The following GALR2 variants were observed in gnomAD, a reference collection of about 807,000 sequenced individuals.
GALR2 encodes galanin receptor 2, also known as galanin receptor type 2.
GALR2 carries 5 observed loss-of-function variants against 7.2 expected under a neutral mutation model. The observed-to-expected ratio is 0.69, with a 90% confidence interval of 0.36 to 1.45. The LOEUF (loss-of-function observed/expected upper bound fraction) is 1.45. Among genes scored for constraint, GALR2 ranks in the 40% most tolerant of loss-of-function variants. GALR2 has a pLI of 0.03. For synonymous variants in GALR2, 300 were observed against 263.9 expected (o/e 1.14, Z -1.32); for missense variants, 561 against 555.7 (o/e 1.01, Z -0.10).
rs1245039635 is a variant in GALR2 at position 76,077,524 on chromosome 17, C to T, written c.*93C>T. 14 of 1,096,326 alleles carry T rather than the reference C, an allele frequency of 1.3e-5. No individual in the cohort carries two copies. The highest frequency in any genetic ancestry group is 2.9e-5 in the Admixed American group (1 of 33,986). 67.9% of individuals were successfully genotyped at this position (1,096,326 alleles called of 1,614,324 possible). On this transcript the variant is annotated 3_prime_UTR_variant, in exon 2 of 2. Coordinates refer to ENST00000329003, the MANE Select transcript of GALR2 (RefSeq NM_003857.4). ...TTTGCCTGTTAATAAAACGCACAAA[C>T]CATTTCACACACAGTGACAGCGCTG...
chr17:76,072,293 A>G, upstream of GALR2: 1 of 1,608,034 alleles, frequency 6.2e-7, no homozygotes, highest in South Asian at 1.1e-5. The surrounding 1 kb of genome is among the most constrained non-coding windows in gnomAD (Gnocchi z 4.5). Context: ...GTTAGGCCCG[A>G]TTACTCTAGG....
chr17:76,077,190 C>T lies in GALR2; in HGVS notation c.923C>T (p.Ala308Val). The change falls in exon 2 of 2, where the codon GCG becomes GTG. Residue 308 changes from alanine (A) to valine (V), a missense_variant. Coordinates refer to ENST00000329003, the MANE Select transcript of GALR2 (RefSeq NM_003857.4). ...CGCAAAGGCTTCCGCACGATCTGCG[C>T]GGGCCTGCTGGGCCGTGCCCCAGGC... Reference protein sequence around the residue: ...HFRKGFRTICAGLLGRAPGRA... With the variant: ...HFRKGFRTICVGLLGRAPGRA... 1 of 1,610,252 alleles carries T rather than the reference C, an allele frequency of 6.2e-7. No individual in the cohort carries two copies. The highest frequency in any genetic ancestry group is 2.2e-5 in the East Asian group (1 of 44,742).
chr17:76,077,483 G>A lies in GALR2; in HGVS notation c.*52G>A, dbSNP rs1388730117. 2 of 1,380,620 alleles carry A rather than the reference G, an allele frequency of 1.4e-6. No homozygotes were observed. Among genetic ancestry groups the A allele is most frequent in the East Asian group, 5.1e-5 (2 of 39,396 alleles). The allele number at this position is 1,380,620 out of a possible 1,614,324, so 85.5% of individuals were successfully genotyped here. A position where few individuals can be genotyped will look rare whatever the true frequency, so the allele number is the denominator to read the frequency against. On this transcript the variant is annotated 3_prime_UTR_variant, in exon 2 of 2. Coordinates refer to ENST00000329003, the MANE Select transcript of GALR2 (RefSeq NM_003857.4). The stretch of plus-strand genomic sequence containing the variant: ...TCACAGAGTTGGAGTCATTGTTGGG[G>A]GACCGTGGGGAGAGCTTTGCCTGTT...
Position 76,074,994 on chromosome 17 carries a change from C to G in GALR2, c.111C>G (p.Leu37=). Residue 37 remains leucine, a synonymous_variant, in exon 1 of 2, where the codon CTC becomes CTG. Coordinates refer to ENST00000329003, the MANE Select transcript of GALR2 (RefSeq NM_003857.4). The surrounding 1 kb of genome is among the most constrained non-coding windows in gnomAD (Gnocchi z 6.7). ...IVPLLFALIF[L]VGTVGNTLVL... ...CCCTGCTCTTCGCGCTCATCTTCCT[C>G]GTGGGCACCGTGGGCAACACGCTGG... The G allele has an allele frequency of 6.2e-7, 1 of 1,606,466 alleles. No individual in the cohort carries two copies. The highest frequency in any genetic ancestry group is 8.5e-7 in the Non-Finnish European group (1 of 1,179,762).
rs1053234576 is a variant in GALR2 at position 76,075,201 on chromosome 17, C to T, written c.318C>T (p.Phe106=). 28 of 1,609,650 alleles carry T rather than the reference C, an allele frequency of 1.7e-5. No homozygotes were observed. Among genetic ancestry groups the T allele is most frequent in the Admixed American group, 8.3e-5 (5 of 59,998 alleles). The change falls in exon 1 of 2, where the codon TTC becomes TTT. Residue 106 remains phenylalanine (F), a synonymous_variant. Transcript: ENST00000329003. This position sits in a 1 kb window ranked among gnomAD's most constrained non-coding sequence, Gnocchi z 5.9. Reference sequence around the variant, plus strand: ...GCAAGGCGGTGCACTTCCTCATCTTCCTCACCATGCACGCCAGCAGCTTCA... The same window carrying T: ...GCAAGGCGGTGCACTTCCTCATCTTTCTCACCATGCACGCCAGCAGCTTCA... ...LLCKAVHFLI[F]LTMHASSFTL...
At chr17:76,072,166 A>T, upstream of GALR2, 10 of 1,392,420 alleles carry the variant, frequency 7.2e-6, no homozygotes, top group Non-Finnish European at 8.7e-6. The surrounding 1 kb of genome is among the most constrained non-coding windows in gnomAD (Gnocchi z 4.5). Context: ...CGGAATTCTG[A>T]GCACCAAAAG....
In GALR2 at chr17:76,075,285, G is replaced by T. The variant is rs372156922; in HGVS notation, c.368+34G>T. ...GCGCCTTGGCCTCCCTGGGAGATGG[G>T]CATCCACGCGGGGGATGGAGCGGGA... On this transcript the variant is annotated intron_variant, in intron 1 of 1. Coordinates refer to ENST00000329003, the MANE Select transcript of GALR2 (RefSeq NM_003857.4). This position sits in a 1 kb window ranked among gnomAD's most constrained non-coding sequence, Gnocchi z 5.9. The T allele has an allele frequency of 7.0e-6, 11 of 1,573,744 alleles. No individual in the cohort carries two copies. The African/African-American group carries it at 1.5e-4, about 21-fold the overall frequency.
chr17:76,073,464 T>A (rs1323066869), upstream of GALR2, among the ~76,000 whole-genome samples: 1 of 136,740 alleles, frequency 7.3e-6, no homozygotes, highest in Non-Finnish European at 1.6e-5. Context: ...TCCCGCTAAT[T>A]TTTGTATTTT....
At chr17:76,074,646 G>T, upstream of GALR2, 2 of 543,588 alleles carry the variant, frequency 3.7e-6, no homozygotes, top group Non-Finnish European at 6.4e-6. This position sits in a 1 kb window ranked among gnomAD's most constrained non-coding sequence, Gnocchi z 6.7. Flanking sequence ...GGACCACTCC[G>T]CAGCCCTTCC....
At position 76,074,877 on chromosome 17, in the gene GALR2, C is replaced by A; in HGVS notation, c.-7C>A. On this transcript the variant is annotated 5_prime_UTR_variant, in exon 1 of 2. Transcript: ENST00000329003. The surrounding 1 kb of genome is among the most constrained non-coding windows in gnomAD (Gnocchi z 6.7). Reference sequence around the variant, plus strand: ...GGAGCCCGGGCAGCCTCGGGGTCAGCGGCACCATGAACGTCTCGGGCTGCC... The same window carrying A: ...GGAGCCCGGGCAGCCTCGGGGTCAGAGGCACCATGAACGTCTCGGGCTGCC... The A allele has an allele frequency of 1.3e-6, 2 of 1,504,454 alleles. No homozygotes were observed. The highest frequency in any genetic ancestry group is 1.8e-6 in the Non-Finnish European group (2 of 1,131,158). 93.2% of individuals were successfully genotyped at this position (1,504,454 alleles called of 1,614,324 possible). A position where few individuals can be genotyped will look rare whatever the true frequency, so the allele number is the denominator to read the frequency against.
chr17:76,076,667 C>G lies in GALR2; in HGVS notation c.400C>G (p.Arg134Gly), dbSNP rs943305588. 3 of 1,595,504 alleles carry G rather than the reference C, an allele frequency of 1.9e-6. No individual in the cohort carries two copies. The highest frequency in any genetic ancestry group is 2.6e-6 in the Non-Finnish European group (3 of 1,176,028). Residue 134 changes from arginine to glycine, a missense_variant, in exon 2 of 2, where the codon CGC (arginine) becomes GGC (glycine). Arg to Gly is a moderately radical substitution (Grantham distance 125). Coordinates refer to ENST00000329003, the MANE Select transcript of GALR2 (RefSeq NM_003857.4). This position sits in a 1 kb window ranked among gnomAD's most constrained non-coding sequence, Gnocchi z 6.5. The part of the protein sequence containing the change: ...YLAIRYPLHS[R>G]ELRTPRNALA... ...GGCCATCCGCTACCCGCTGCACTCC[C>G]GCGAGCTGCGCACGCCTCGAAACGC...
At chr17:76,072,479 T>C (rs1424012847), upstream of GALR2, 3 of 1,582,116 alleles carry the variant, frequency 1.9e-6, no homozygotes, top group South Asian at 2.2e-5. This position sits in a 1 kb window ranked among gnomAD's most constrained non-coding sequence, Gnocchi z 4.5. Flanking sequence ...GGGACCTGCT[T>C]CTCAGCAGCC....
In GALR2 at chr17:76,077,410, C is replaced by T. The variant is rs2066897516; in HGVS notation, c.1143C>T (p.Ile381=). The part of the protein sequence containing the change: ...SWQGPKAGDS[I]LTVDVA ...AGGGCCCAAAGGCAGGCGACAGCAT[C>T]CTGACGGTTGATGTGGCCTGAAAGC... Residue 381 remains isoleucine (I), a synonymous_variant, in exon 2 of 2, where the codon ATC becomes ATT. Coordinates refer to ENST00000329003, the MANE Select transcript of GALR2 (RefSeq NM_003857.4). The T allele has an allele frequency of 2.1e-6, 3 of 1,456,956 alleles. No homozygotes were observed. The highest frequency in any genetic ancestry group is 2.7e-6 in the Non-Finnish European group (3 of 1,110,878). The allele number at this position is 1,456,956 out of a possible 1,614,324, so 90.3% of individuals were successfully genotyped here.
At chr17:76,072,524 G>C (rs756705677), upstream of GALR2, 8 of 1,563,148 alleles carry the variant, frequency 5.1e-6, no homozygotes, top group African/African-American at 9.6e-5. The surrounding 1 kb of genome is among the most constrained non-coding windows in gnomAD (Gnocchi z 4.5). Context: ...AGACGGGATA[G>C]GGGAGGCGGG....
chr17:76,076,892 C>G lies in GALR2; in HGVS notation c.625C>G (p.Arg209Gly). The G allele has an allele frequency of 6.2e-7, 1 of 1,602,966 alleles. No homozygotes were observed. Among genetic ancestry groups the G allele is most frequent in the Non-Finnish European group, 8.5e-7 (1 of 1,179,030 alleles). ...PVLVLGLTYA[R>G]TLRYLWRAVD... Reference sequence around the variant, plus strand: ...GCTGGTTCTCGGCCTGACCTACGCGCGCACCTTGCGCTACCTCTGGCGCGC... The same window carrying G: ...GCTGGTTCTCGGCCTGACCTACGCGGGCACCTTGCGCTACCTCTGGCGCGC... The change falls in exon 2 of 2, where the codon CGC becomes GGC. Residue 209 changes from arginine to glycine, a missense_variant. Physicochemically the swap from Arg to Gly is moderately radical, Grantham distance 125. Coordinates refer to ENST00000329003, the MANE Select transcript of GALR2 (RefSeq NM_003857.4). This position sits in a 1 kb window ranked among gnomAD's most constrained non-coding sequence, Gnocchi z 6.5.
upstream of GALR2, among the ~76,000 whole-genome samples, chr17:76,073,519 C>T (rs1422302217): frequency 1.4e-5 from 1 of 70,672 alleles, no homozygotes; most frequent in Non-Finnish European, 2.7e-5. Context: ...TGGTCTCGAT[C>T]TCCTGACCTC....
chr17:76,077,503 C>A lies in GALR2; in HGVS notation c.*72C>A. On this transcript the variant is annotated 3_prime_UTR_variant, in exon 2 of 2. Coordinates refer to ENST00000329003, the MANE Select transcript of GALR2 (RefSeq NM_003857.4). The stretch of plus-strand genomic sequence containing the variant: ...TTGGGGGACCGTGGGGAGAGCTTTG[C>A]CTGTTAATAAAACGCACAAACCATT... The A allele has an allele frequency of 7.7e-7, 1 of 1,300,230 alleles. No individual in the cohort carries two copies. Among genetic ancestry groups the A allele is most frequent in the African/African-American group, 1.5e-5 (1 of 66,836 alleles). The allele number at this position is 1,300,230 out of a possible 1,614,324, so 80.5% of individuals were successfully genotyped here.
chr17:76,072,718 C>T (rs1424541122), upstream of GALR2: 4 of 798,348 alleles, frequency 5.0e-6, no homozygotes, highest in Admixed American at 3.5e-5. This position sits in a 1 kb window ranked among gnomAD's most constrained non-coding sequence, Gnocchi z 4.5. Flanking sequence ...CGCAGTGAGA[C>T]CGTGGCTGCT....
rs933256766 is a variant in GALR2 at position 76,075,455 on chromosome 17, G to A, written c.368+204G>A. Among the ~76,000 whole-genome samples the A allele has an allele frequency of 6.6e-6, 1 of 152,254 alleles. No individual in the cohort carries two copies. The highest frequency in any genetic ancestry group is 1.5e-5 in the Non-Finnish European group (1 of 68,040). ...CTCGGTTAGATGCGTCCTGGGGCCT[G>A]GAAGCCTGGAGAATGTGGCTCTCCA... On this transcript the variant is annotated intron_variant, in intron 1 of 1. Coordinates refer to ENST00000329003, the MANE Select transcript of GALR2 (RefSeq NM_003857.4). This position sits in a 1 kb window ranked among gnomAD's most constrained non-coding sequence, Gnocchi z 5.9.
Sources: gnomAD v4.1 joint callset for allele counts (sites outside exome capture counted in the v4.1 genomes callset) on GRCh38, gnomAD v4.1.1 for gene constraint, Gnocchi (gnomAD v3.1) non-coding constraint, MANE v1.5 for transcripts, NCBI Gene and HGNC (gene_info 2026-07-23, HGNC 2026-07-21) for gene names.